LMAN2L: variants seen among roughly 807,000 people sequenced by gnomAD.
The protein encoded by LMAN2L is lectin, mannose binding 2 like, also known as VIP36-like protein.
A neutral mutation model predicts 44.3 loss-of-function variants in LMAN2L; 30 were observed. The ratio of observed to expected loss-of-function variants is 0.68; its 90% confidence interval spans 0.51 to 0.92. LMAN2L has a LOEUF of 0.92. Ranked by LOEUF, LMAN2L falls within the 40% of genes least tolerant of loss-of-function variation. The probability of loss-of-function intolerance (pLI) is 0.00; values close to 1 mark genes in which losing one functional copy is unlikely to be tolerated. For missense variants in LMAN2L, 429 were observed against 446.1 expected (o/e 0.96, Z 0.35); for synonymous variants, 183 against 171.1 (o/e 1.07, Z -0.54).
At chr2:96,714,837 C>G (rs1387485577) in intron 4 of LMAN2L, among the ~76,000 whole-genome samples, 1 of 152,224 alleles carries the variant, frequency 6.6e-6, no homozygotes. Context: ...CAGAGGCATG[C>G]TGGACCTTGG....
At chr2:96,731,630 C>T (rs1209335844) in intron 4 of LMAN2L, among the ~76,000 whole-genome samples, 1 of 151,102 alleles carries the variant, frequency 6.6e-6, no homozygotes, top group East Asian at 1.9e-4. Context: ...AGCCTGGAGA[C>T]GAGCGAGACT....
chr2:96,719,081 A>G (rs2078098312), intron 4 of LMAN2L, among the ~76,000 whole-genome samples: 1 of 152,188 alleles, frequency 6.6e-6, no homozygotes, highest in African/African-American at 2.4e-5. Context: ...CCAGATTACA[A>G]GTACCAAGTT....
At chr2:96,729,037 T>A (rs945126101) in intron 4 of LMAN2L, among the ~76,000 whole-genome samples, 1 of 150,786 alleles carries the variant, frequency 6.6e-6, no homozygotes, top group African/African-American at 2.4e-5. Context: ...CTGGGCGTGG[T>A]GGCAGGTACT....
Position 96,711,783 on chromosome 2 carries a change from G to A in LMAN2L, c.670-13C>T, listed in dbSNP as rs1483279932. The A allele has an allele frequency of 6.2e-7, 1 of 1,613,132 alleles. No individual in the cohort carries two copies. Among genetic ancestry groups the A allele is most frequent in the South Asian group, 1.1e-5 (1 of 91,060 alleles). On this transcript the variant is annotated splice_polypyrimidine_tract_variant and intron_variant, in intron 5 of 7. Coordinates refer to ENST00000264963, the MANE Select transcript of LMAN2L (RefSeq NM_030805.4). ...TATCCATCATTATCTAGAATAAAAA[G>A]AGAGATAAATCAGGGTCAGGCCATG...
chr2:96,709,048 G>A (rs1038147080), intron 6 of LMAN2L, among the ~76,000 whole-genome samples: 2 of 151,074 alleles, frequency 1.3e-5, no homozygotes, highest in Non-Finnish European at 1.5e-5. Context: ...CCAAGTAGCT[G>A]GGATTACAGG....
At chr2:96,707,930 A>T in intron 6 of LMAN2L, 97 bp from the exon 7 acceptor site, 1 of 1,190,216 alleles carries the variant, frequency 8.4e-7, no homozygotes, top group Non-Finnish European at 1.2e-6. Flanking sequence ...TCCACAGCTA[A>T]CCAGCAGTGA....
At chr2:96,738,885 C>T (rs981596299) in intron 1 of LMAN2L, among the ~76,000 whole-genome samples, 4 of 152,038 alleles carry the variant, frequency 2.6e-5, no homozygotes, top group East Asian at 1.9e-4. Flanking sequence ...GGACTACAGG[C>T]GCCCGCCACC....
intron 2 of LMAN2L, among the ~76,000 whole-genome samples, chr2:96,736,261 G>C (rs565738791): frequency 1.3e-5 from 2 of 152,222 alleles, no homozygotes; most frequent in African/African-American, 4.8e-5. Context: ...AATCCCAATG[G>C]CCAAGCTGCA....
At chr2:96,713,973 C>T (rs1025988326) in intron 4 of LMAN2L, among the ~76,000 whole-genome samples, 1 of 152,190 alleles carries the variant, frequency 6.6e-6, no homozygotes, top group East Asian at 1.9e-4. Context: ...AAACCCTTCA[C>T]TCCTTTAATA....
chr2:96,729,269 G>A (rs1174540138), intron 4 of LMAN2L, among the ~76,000 whole-genome samples: 2 of 151,968 alleles, frequency 1.3e-5, no homozygotes, highest in Non-Finnish European at 2.9e-5. Context: ...AAAAAAGGAT[G>A]GGAGCTGGTA....
intron 4 of LMAN2L, among the ~76,000 whole-genome samples, chr2:96,719,640 T>C (rs765598420): frequency 6.6e-6 from 1 of 152,110 alleles, no homozygotes; most frequent in Non-Finnish European, 1.5e-5. Context: ...CTGTTGCCCA[T>C]GCTGGAGTGC....
At chr2:96,737,504 T>G (rs1414600570) in intron 2 of LMAN2L, among the ~76,000 whole-genome samples, 2 of 152,112 alleles carry the variant, frequency 1.3e-5, no homozygotes, top group African/African-American at 4.8e-5. Flanking sequence ...GTTTTAAAAA[T>G]TAGCCAGGTG....
chr2:96,732,299 C>T (rs1006695532), intron 4 of LMAN2L, among the ~76,000 whole-genome samples: 1 of 152,010 alleles, frequency 6.6e-6, no homozygotes, highest in Non-Finnish European at 1.5e-5. Flanking sequence ...AATTTCCCAC[C>T]ATCTGATGGC....
chr2:96,722,630 C>G (rs1350947338), intron 4 of LMAN2L, among the ~76,000 whole-genome samples: 1 of 152,206 alleles, frequency 6.6e-6, no homozygotes, highest in Admixed American at 6.5e-5. Context: ...TGGTTCCTAA[C>G]AGGTTGGGGA....
intron 4 of LMAN2L, among the ~76,000 whole-genome samples, chr2:96,715,760 A>T (rs2078027644): frequency 6.6e-6 from 1 of 152,222 alleles, no homozygotes; most frequent in Non-Finnish European, 1.5e-5. Flanking sequence ...GACACCCATT[A>T]GCTTGTGGAT....
At chr2:96,737,645 A>G (rs950320194) in intron 2 of LMAN2L, among the ~76,000 whole-genome samples, 3 of 152,146 alleles carry the variant, frequency 2.0e-5, no homozygotes, top group Non-Finnish European at 2.9e-5. Context: ...ATCTTCTTAC[A>G]AAGTGGTTAA....
In LMAN2L at chr2:96,707,843, A is replaced by AATGGAAGAAG; in HGVS notation, c.785-20_785-11dup. ...ATGACATCATGATTATCTGAAGAAA[A>AATGGAAGAAG]ATGGAAGAAGGATGACTTGTGCCAC... On this transcript the variant is annotated splice_polypyrimidine_tract_variant and intron_variant, in intron 6 of 7. Transcript: ENST00000264963. 1 of 1,613,344 alleles carries AATGGAAGAAG rather than the reference A, an allele frequency of 6.2e-7. No homozygotes were observed. Among genetic ancestry groups the AATGGAAGAAG allele is most frequent in the Non-Finnish European group, 8.5e-7 (1 of 1,179,626 alleles).
Position 96,706,554 on chromosome 2 carries a change from T to TA in LMAN2L, c.*701_*702insT, listed in dbSNP as rs2077785576. On this transcript the variant is annotated 3_prime_UTR_variant, in exon 8 of 8. Transcript: ENST00000264963. ...GACTTGATTGGGAAGGCCATGGACA[T>TA]GCCAATAGACCCAAGACCCATGCTA... 6.6e-6 allele frequency: 1 copy of TA among 152,210 alleles called. No individual in the cohort carries two copies. The highest frequency in any genetic ancestry group is 1.5e-5 in the Non-Finnish European group (1 of 68,076). 9.4% of individuals were successfully genotyped at this position (152,210 alleles called of 1,614,324 possible).
intron 4 of LMAN2L, among the ~76,000 whole-genome samples, chr2:96,731,962 C>T (rs912779752): frequency 5.3e-5 from 8 of 151,906 alleles, no homozygotes; most frequent in African/African-American, 1.9e-4. Flanking sequence ...ACTCTCCCAC[C>T]TCAGCCTCCC....
Sources: gnomAD v4.1 joint callset for allele counts (sites outside exome capture counted in the v4.1 genomes callset) on GRCh38, gnomAD v4.1.1 for gene constraint, MANE v1.5 for transcripts, NCBI Gene and HGNC (gene_info 2026-07-23, HGNC 2026-07-21) for gene names.